Variants in PAGE2B observed in about 807,000 individuals in gnomAD.
PAGE2B encodes the protein PAGE family member 2B, also known as putative G antigen family E member 3.
A neutral mutation model predicts 7.6 loss-of-function variants in PAGE2B; 5 were observed. The ratio of observed to expected loss-of-function variants is 0.66; its 90% confidence interval spans 0.34 to 1.38. The LOEUF is 1.38. Ranked by LOEUF, PAGE2B falls within the 40% of genes most tolerant of loss-of-function variation. PAGE2B has a pLI of 0.04. For synonymous variants in PAGE2B, 29 were observed against 26.7 expected, an observed-to-expected ratio of 1.09 and a Z score of -0.27; for missense variants, 70 against 78.4, an observed-to-expected ratio of 0.89 and a Z score of 0.41.
chrX:55,059,299 C>T, the PAGE2B span, among the ~76,000 whole-genome samples: 1 of 110,309 alleles, frequency 9.1e-6, no homozygotes, highest in Non-Finnish European at 1.9e-5. Flanking sequence ...TGCACCCCTG[C>T]TGTTTCTCTG....
At chrX:55,047,198 G>C in the PAGE2B span, among the ~76,000 whole-genome samples, 1 of 109,943 alleles carries the variant, frequency 9.1e-6, no homozygotes, top group Non-Finnish European at 1.9e-5. Flanking sequence ...TTGTCCTTGC[G>C]ATAGTTTGCT....
the PAGE2B span, among the ~76,000 whole-genome samples, chrX:55,050,778 C>T: frequency 2.7e-5 from 3 of 111,229 alleles, no homozygotes; most frequent in East Asian, 2.8e-4. Context: ...CCAGTCTGTG[C>T]CTTTTAATTG....
At chrX:55,053,622 A>G in the PAGE2B span, among the ~76,000 whole-genome samples, 3 of 112,104 alleles carry the variant, frequency 2.7e-5, no homozygotes, top group Admixed American at 9.5e-5. Context: ...CAATTTCAGT[A>G]TACTTGTATA....
At chrX:55,064,538 A>G in the PAGE2B span, among the ~76,000 whole-genome samples, 2 of 110,661 alleles carry the variant, frequency 1.8e-5, no homozygotes, top group Admixed American at 9.6e-5. Context: ...TCTTCATTTT[A>G]AATTCATTTA....
the PAGE2B span, among the ~76,000 whole-genome samples, chrX:55,038,847 A>C: frequency 8.9e-6 from 1 of 111,823 alleles, no homozygotes; most frequent in Non-Finnish European, 1.9e-5. Context: ...ATAAGGAGGT[A>C]GCACTGACGT....
chrX:55,075,363 C>A (rs73490469), intron 1 of PAGE2B, among the ~76,000 whole-genome samples: 1 of 110,694 alleles, frequency 9.0e-6, no homozygotes, highest in Non-Finnish European at 1.9e-5. Context: ...GGGGCGAGTG[C>A]TGGGGGTGCT....
At chrX:55,069,826 G>T in the PAGE2B span, among the ~76,000 whole-genome samples, 1 of 111,686 alleles carries the variant, frequency 9.0e-6, no homozygotes, top group African/African-American at 3.3e-5. Flanking sequence ...TAGTTTATTT[G>T]CGTAGAGGTG....
the PAGE2B span, among the ~76,000 whole-genome samples, chrX:55,058,926 G>A: frequency 8.2e-5 from 9 of 110,228 alleles, no homozygotes; most frequent in African/African-American, 3.0e-4. Flanking sequence ...TCCTCAAAAA[G>A]GACCATTATA....
chrX:55,055,741 A>G, the PAGE2B span: 1 of 116,575 alleles, frequency 8.6e-6, no homozygotes, highest in Non-Finnish European at 1.8e-5. Flanking sequence ...TCTGAAGACT[A>G]TTGTTGCTGA....
the PAGE2B span, among the ~76,000 whole-genome samples, chrX:55,062,443 A>G: frequency 7.2e-5 from 8 of 111,470 alleles, no homozygotes; most frequent in Non-Finnish European, 1.3e-4. Flanking sequence ...TTTAAATGAG[A>G]CGATTAGATT....
chrX:55,056,111 G>T, the PAGE2B span, among the ~76,000 whole-genome samples: 2 of 111,416 alleles, frequency 1.8e-5, no homozygotes, highest in South Asian at 7.6e-4. Context: ...TTTGGGAGTG[G>T]AGAAGAAGTT....
At chrX:55,062,662 G>A in the PAGE2B span, among the ~76,000 whole-genome samples, 3 of 111,714 alleles carry the variant, frequency 2.7e-5, no homozygotes, top group Non-Finnish European at 3.8e-5. Context: ...TATTGCTCAC[G>A]AAATCTTTGT....
At chrX:55,049,200 C>T in the PAGE2B span, among the ~76,000 whole-genome samples, 11 of 110,329 alleles carry the variant, frequency 1.0e-4, no homozygotes, top group South Asian at 7.8e-4. Flanking sequence ...CTGCTGGATT[C>T]GGTTTGCCAG....
chrX:55,051,982 T>G, the PAGE2B span, among the ~76,000 whole-genome samples: 2 of 111,421 alleles, frequency 1.8e-5, no homozygotes, highest in Non-Finnish European at 3.8e-5. Flanking sequence ...TACAGATGGG[T>G]TTTTGGTGTG....
the PAGE2B span, among the ~76,000 whole-genome samples, chrX:55,028,297 G>A: frequency 1.8e-5 from 2 of 111,209 alleles, no homozygotes; most frequent in South Asian, 3.8e-4. Flanking sequence ...CTGGAATCAC[G>A]TCTGAGCATC....
At chrX:55,044,118 T>C in the PAGE2B span, among the ~76,000 whole-genome samples, 1 of 108,840 alleles carries the variant, frequency 9.2e-6, no homozygotes, top group Non-Finnish European at 1.9e-5. Context: ...TAAAAGTAGA[T>C]CTACCATTTG....
chrX:55,067,226 C>A, the PAGE2B span, among the ~76,000 whole-genome samples: 1 of 110,257 alleles, frequency 9.1e-6, no homozygotes, highest in Non-Finnish European at 1.9e-5. Context: ...CCCTGACAGG[C>A]CCCGGTGTGT....
upstream of PAGE2B, among the ~76,000 whole-genome samples, chrX:55,071,126 C>T (rs771601067): frequency 1.3e-4 from 14 of 111,563 alleles, no homozygotes; most frequent in South Asian, 3.8e-4. Flanking sequence ...TTCTTCATAG[C>T]GTTGTTGGTC....
chrX:55,037,962 T>G, the PAGE2B span, among the ~76,000 whole-genome samples: 2 of 105,838 alleles, frequency 1.9e-5, no homozygotes, highest in South Asian at 4.5e-4. Context: ...AATGATGAGT[T>G]AATGGGTGCA....
Sources: gnomAD v4.1 joint callset for allele counts (sites outside exome capture counted in the v4.1 genomes callset) on GRCh38, gnomAD v4.1.1 for gene constraint, MANE v1.5 for transcripts, NCBI Gene and HGNC (gene_info 2026-07-23, HGNC 2026-07-21) for gene names.